PCDH15: variants seen among roughly 807,000 people sequenced by gnomAD.
PCDH15 encodes protocadherin related 15, also known as protocadherin-15.
A neutral mutation model predicts 178.5 loss-of-function variants in PCDH15; 129 were observed. The ratio of observed to expected loss-of-function variants is 0.72; its 90% CI spans 0.63 to 0.84. The LOEUF is 0.84. Among genes scored for constraint, PCDH15 ranks in the 40% least tolerant of loss-of-function variants. The pLI is 0.00. For missense variants in PCDH15, 2,230 were observed against 2,099.9 expected, an observed-to-expected ratio of 1.06 and a Z score of -1.21; for synonymous variants, 800 against 732.0, an observed-to-expected ratio of 1.09 and a Z score of -1.50.
chr10:54,969,363 T>A (rs1838875640), intron 2 of PCDH15, among the ~76,000 whole-genome samples: 1 of 152,212 alleles, frequency 6.6e-6, no homozygotes, highest in Non-Finnish European at 1.5e-5. Flanking sequence ...TCCGTCTGAA[T>A]ACTCCAACCA....
chr10:55,038,172 C>T (rs1344820833), intron 2 of PCDH15, among the ~76,000 whole-genome samples: 2 of 152,086 alleles, frequency 1.3e-5, no homozygotes, highest in Non-Finnish European at 2.9e-5. Flanking sequence ...TATCTATATA[C>T]ATATTCAAAA....
intron 2 of PCDH15, among the ~76,000 whole-genome samples, chr10:55,506,033 A>G (rs572550973): frequency 2.7e-5 from 4 of 147,594 alleles, no homozygotes; most frequent in Non-Finnish European, 5.9e-5. Flanking sequence ...TAACATGAAA[A>G]TGTTGTAAAA....
At chr10:54,207,242 G>T (rs1469613131) in intron 10 of PCDH15, among the ~76,000 whole-genome samples, 1 of 151,996 alleles carries the variant, frequency 6.6e-6, no homozygotes, top group Admixed American at 6.6e-5. Flanking sequence ...CCTTTTATTA[G>T]CTTCCATAAT....
Position 53,811,604 on chromosome 10 carries a change from A to G in PCDH15, c.4507T>C (p.Ser1503Pro), listed in dbSNP as rs775334226. ...LLKPEELSME[S>P]GIDPGQEYGQ... Reference sequence around the variant, plus strand: ...TATTCCTGGCCAGGATCAATTCCAGACTCCATGGATAATTCCTATTGTTCA... The same window carrying G: ...TATTCCTGGCCAGGATCAATTCCAGGCTCCATGGATAATTCCTATTGTTCA... Residue 1503 changes from serine to proline, a missense_variant, in exon 36 of 38, where the codon TCT becomes CCT. Ser to Pro is a moderately conservative substitution (Grantham distance 74). Coordinates refer to ENST00000644397, the MANE Select transcript of PCDH15 (RefSeq NM_001384140.1). 1.3e-6 allele frequency: 2 copies of G among 1,564,708 alleles called. No homozygotes were observed. The highest frequency in any genetic ancestry group is 2.7e-5 in the African/African-American group (2 of 73,308).
At chr10:54,786,506 G>C (rs1950890755) in intron 1 of PCDH15, among the ~76,000 whole-genome samples, 1 of 151,920 alleles carries the variant, frequency 6.6e-6, no homozygotes, top group African/African-American at 2.4e-5. Flanking sequence ...AGAAGTCAAA[G>C]ACATAAAGTA....
chr10:54,720,058 G>A (rs886091100), intron 1 of PCDH15, among the ~76,000 whole-genome samples: 2 of 152,008 alleles, frequency 1.3e-5, no homozygotes, highest in Non-Finnish European at 1.5e-5. Context: ...ATGCTGGTGA[G>A]GCTGTGGAGA....
At chr10:55,510,675 A>G (rs1255464747) in intron 2 of PCDH15, among the ~76,000 whole-genome samples, 2 of 151,876 alleles carry the variant, frequency 1.3e-5, no homozygotes, top group Non-Finnish European at 2.9e-5. Flanking sequence ...AAAAGTAAAA[A>G]TAACAGAGAA....
At chr10:53,940,845 A>G (rs780728856) in intron 24 of PCDH15, 21 bp downstream of exon 24, 7 of 1,549,640 alleles carry the variant, frequency 4.5e-6, no homozygotes, top group African/African-American at 1.4e-5. Flanking sequence ...TGGTGAGAAC[A>G]CAAACTAAAA....
chr10:54,656,273 C>T (rs2094404545), intron 2 of PCDH15, among the ~76,000 whole-genome samples: 1 of 151,902 alleles, frequency 6.6e-6, no homozygotes, highest in African/African-American at 2.4e-5. Flanking sequence ...AGCTAGGGTA[C>T]AGAAAAAGAA....
chr10:54,953,008 T>C (rs1016486539), intron 2 of PCDH15, among the ~76,000 whole-genome samples: 1 of 151,650 alleles, frequency 6.6e-6, no homozygotes, highest in African/African-American at 2.4e-5. Flanking sequence ...TTTCATTAGT[T>C]AAGTGTACCA....
At chr10:55,303,359 T>C (rs1267965656) in intron 1 of PCDH15, among the ~76,000 whole-genome samples, 1 of 152,174 alleles carries the variant, frequency 6.6e-6, no homozygotes, top group Non-Finnish European at 1.5e-5. Flanking sequence ...ACTGTTGACA[T>C]TAATCATAGG....
intron 2 of PCDH15, among the ~76,000 whole-genome samples, chr10:55,367,456 C>A (rs2131985455): frequency 1.3e-5 from 2 of 152,130 alleles, no homozygotes; most frequent in South Asian, 2.1e-4. Flanking sequence ...TGCTGCGTGC[C>A]TGGAGTCCCT....
intron 1 of PCDH15, among the ~76,000 whole-genome samples, chr10:55,201,261 G>T (rs913345807): frequency 2.0e-5 from 3 of 151,994 alleles, no homozygotes; most frequent in African/African-American, 7.3e-5. Context: ...GAAGTCACTG[G>T]GGTCACGCAG....
chr10:53,990,735 C>T (rs570145997), intron 21 of PCDH15, among the ~76,000 whole-genome samples: 18 of 152,160 alleles, frequency 1.2e-4, no homozygotes, highest in East Asian at 5.8e-4. Context: ...TTCAGCCCAC[C>T]GCTGCACTGT....
intron 2 of PCDH15, among the ~76,000 whole-genome samples, chr10:55,023,036 A>C (rs987381414): frequency 1.0e-4 from 15 of 143,808 alleles, no homozygotes; most frequent in South Asian, 2.3e-4. Flanking sequence ...CCGCCTCCCA[A>C]ATTCACGCCA....
At chr10:55,331,046 T>TA (rs1362114048) in intron 2 of PCDH15, among the ~76,000 whole-genome samples, 19 of 151,936 alleles carry the variant, frequency 1.3e-4, no homozygotes, top group Non-Finnish European at 2.5e-4. Context: ...TTAAGATACT[T>TA]ACGATTTCTT....
At chr10:55,192,130 A>G (rs905066153) in intron 1 of PCDH15, among the ~76,000 whole-genome samples, 1 of 151,814 alleles carries the variant, frequency 6.6e-6, no homozygotes, top group Non-Finnish European at 1.5e-5. Flanking sequence ...GCAATGTGGA[A>G]CAGGCACTCC....
intron 25 of PCDH15, among the ~76,000 whole-genome samples, chr10:53,905,410 T>G (rs974752921): frequency 1.1e-4 from 17 of 152,202 alleles, no homozygotes; most frequent in African/African-American, 3.6e-4. Context: ...CTCGGCTCAC[T>G]GTAAGCTCCA....
intron 3 of PCDH15, among the ~76,000 whole-genome samples, chr10:54,815,004 T>C (rs1447825260): frequency 6.6e-6 from 1 of 152,108 alleles, no homozygotes; most frequent in Non-Finnish European, 1.5e-5. Flanking sequence ...CCAAATCTAG[T>C]CAAATGCCCC....
Sources: allele counts gnomAD v4.1 joint callset (sites outside exome capture counted in the v4.1 genomes callset), GRCh38; gene constraint gnomAD v4.1.1; transcripts MANE v1.5; gene names NCBI Gene and HGNC (gene_info 2026-07-23, HGNC 2026-07-21).